The following DENND6A variants were observed in gnomAD, a reference collection of about 807,000 sequenced individuals.
DENND6A encodes the protein DENN domain containing 6A.
In DENND6A, 43 loss-of-function variants were observed where a neutral mutation model predicts 95.5. The ratio of observed to expected loss-of-function variants is 0.45; its 90% CI spans 0.35 to 0.58. The LOEUF is 0.58. Among genes scored for constraint, DENND6A ranks in the 20% least tolerant of loss-of-function variants. DENND6A has a pLI of 0.00. For missense variants in DENND6A, 574 were observed against 736.0 expected (o/e 0.78, Z 2.55); for synonymous variants, 257 against 260.4 (o/e 0.99, Z 0.13).
Position 57,628,151 on chromosome 3 carries a change from G to T in DENND6A, c.*63C>A. On this transcript the variant is annotated 3_prime_UTR_variant, in exon 20 of 20. Coordinates refer to ENST00000311128, the MANE Select transcript of DENND6A (RefSeq NM_152678.3). ...ACTGAGAGATCTCCTTTGTGCGTCT[G>T]GTTGAAATGTCAGTATGCTTCATGA... 4 of 1,566,480 alleles carry T rather than the reference G, an allele frequency of 2.6e-6. No individual in the cohort carries two copies. Among genetic ancestry groups the T allele is most frequent in the Non-Finnish European group, 3.5e-6 (4 of 1,155,618 alleles).
chr3:57,679,485 A>C (rs2077140394), intron 1 of DENND6A: 1 of 985,162 alleles, frequency 1.0e-6, no homozygotes, highest in Non-Finnish European at 1.2e-6. Context: ...ACATTTACTC[A>C]CCTTGACTTT....
chr3:57,632,070 A>AGT (rs1277940293), intron 15 of DENND6A, among the ~76,000 whole-genome samples: 2 of 131,418 alleles, frequency 1.5e-5, no homozygotes, highest in Non-Finnish European at 3.1e-5. Flanking sequence ...GCCCAGGCTG[A>AGT]GTGCAGTGGC....
chr3:57,673,240 AAAG>A (rs1465421711), intron 1 of DENND6A, among the ~76,000 whole-genome samples: 20 of 148,396 alleles, frequency 1.3e-4, no homozygotes, highest in African/African-American at 4.3e-4. Context: ...AAAGAAAGAA[AAAG>A]AAAAAAAAAA....
intron 5 of DENND6A, among the ~76,000 whole-genome samples, chr3:57,662,843 G>A (rs1390327475): frequency 6.6e-6 from 1 of 151,888 alleles, no homozygotes; most frequent in East Asian, 1.9e-4. Flanking sequence ...CCAAGGCCAG[G>A]CACGGTGGCT....
Position 57,677,792 on chromosome 3 carries a change from T to C in DENND6A, c.238-5354A>G, listed in dbSNP as rs537981770. ...TTTTTTCCTTGATGGCAGAAAGCAC[T>C]ACTGTATCTTAATTCATTAGATCTC... is the stretch of plus-strand genomic sequence containing the variant. On this transcript the variant is annotated intron_variant, in intron 1 of 19. Transcript: ENST00000311128. 2.6e-5 allele frequency among the ~76,000 whole-genome samples: 4 copies of C among 152,266 alleles called. 1 individual carries two copies. The East Asian group carries it at 7.7e-4, about 29-fold the overall frequency.
chr3:57,674,518 C>T (rs2071677337), intron 1 of DENND6A, among the ~76,000 whole-genome samples: 1 of 151,966 alleles, frequency 6.6e-6, no homozygotes, highest in Non-Finnish European at 1.5e-5. Context: ...GTAATCCCAG[C>T]TACTCCGGAG....
intron 8 of DENND6A, among the ~76,000 whole-genome samples, chr3:57,658,720 C>G (rs2071372449): frequency 1.3e-5 from 2 of 152,034 alleles, no homozygotes; most frequent in Non-Finnish European, 2.9e-5. Flanking sequence ...AAACTTCAAC[C>G]CCACCCATGA....
intron 12 of DENND6A, among the ~76,000 whole-genome samples, chr3:57,640,358 C>A (rs1177804680): frequency 6.6e-6 from 1 of 151,612 alleles, no homozygotes; most frequent in Non-Finnish European, 1.5e-5. Flanking sequence ...TTTGGGAGGC[C>A]AAGGTGGGCA....
At chr3:57,646,287 A>AC (rs2071078930) in intron 10 of DENND6A, 29 bp downstream of exon 10, 4 of 1,585,380 alleles carry the variant, frequency 2.5e-6, no homozygotes, top group Non-Finnish European at 3.4e-6. Context: ...CAAAAAAAAA[A>AC]CCCAGAAATA....
chr3:57,683,844 G>C (rs1194781602), intron 1 of DENND6A, among the ~76,000 whole-genome samples: 1 of 152,150 alleles, frequency 6.6e-6, no homozygotes, highest in Admixed American at 6.5e-5. Context: ...TATGGGGCAA[G>C]TTACCTCTTT....
At chr3:57,688,362 T>C (rs2077230062) in intron 1 of DENND6A, among the ~76,000 whole-genome samples, 2 of 151,972 alleles carry the variant, frequency 1.3e-5, no homozygotes, top group Admixed American at 1.3e-4. Flanking sequence ...AGACTCACAG[T>C]AGACATGTTT....
intron 4 of DENND6A, among the ~76,000 whole-genome samples, chr3:57,665,690 C>A (rs2071515325): frequency 6.6e-6 from 1 of 151,986 alleles, no homozygotes; most frequent in Middle Eastern, 3.2e-3. Flanking sequence ...AAAATCTAGG[C>A]TGTAAGGTCA....
At chr3:57,678,764 T>C (rs1180563823) in intron 1 of DENND6A, among the ~76,000 whole-genome samples, 1 of 152,238 alleles carries the variant, frequency 6.6e-6, no homozygotes, top group East Asian at 1.9e-4. Flanking sequence ...AGCAACTTCA[T>C]TTTAAACTTT....
intron 1 of DENND6A, among the ~76,000 whole-genome samples, chr3:57,690,779 AAG>A (rs2077257159): frequency 6.6e-6 from 1 of 152,080 alleles, no homozygotes; most frequent in Non-Finnish European, 1.5e-5. Context: ...GAGCAAAACC[AAG>A]AGGTTTCCCT....
At chr3:57,642,052 C>T (rs778335306) in intron 11 of DENND6A, among the ~76,000 whole-genome samples, 5 of 152,100 alleles carry the variant, frequency 3.3e-5, no homozygotes, top group Non-Finnish European at 4.4e-5. Flanking sequence ...CGGTGATTCA[C>T]GCCTGTAATC....
intron 9 of DENND6A, 147 bp from the exon 10 acceptor site, chr3:57,646,585 A>G: frequency 8.4e-7 from 1 of 1,188,716 alleles, no homozygotes; most frequent in Non-Finnish European, 1.1e-6. Flanking sequence ...CATTTAGAAT[A>G]TGGTGATGTA....
chr3:57,682,281 CAAAAAAAAAAAAA>C (rs10618015), intron 1 of DENND6A, among the ~76,000 whole-genome samples: 5 of 53,542 alleles, frequency 9.3e-5, no homozygotes, highest in Non-Finnish European at 1.3e-4. Flanking sequence ...GACTCCGTCT[CAAAAAAAAAAAAA>C]AAAAAAAAAA....
At chr3:57,667,849 T>C (rs1363671202) in intron 3 of DENND6A, among the ~76,000 whole-genome samples, 2 of 152,130 alleles carry the variant, frequency 1.3e-5, no homozygotes, top group African/African-American at 4.8e-5. Context: ...GTGGATCTCC[T>C]GAGGTCAGGA....
At chr3:57,665,899 T>G (rs2071518449) in intron 4 of DENND6A, 1 of 410,116 alleles carries the variant, frequency 2.4e-6, no homozygotes, top group South Asian at 4.7e-5. Flanking sequence ...CTAATCCATT[T>G]TTATAAATCA....
Sources: allele counts gnomAD v4.1 joint callset (sites outside exome capture counted in the v4.1 genomes callset), GRCh38; gene constraint gnomAD v4.1.1; transcripts MANE v1.5; gene names NCBI Gene and HGNC (gene_info 2026-07-23, HGNC 2026-07-21).